CSTF3: variants seen among roughly 807,000 people sequenced by gnomAD.
CSTF3 encodes the protein CF-1 77 kDa subunit.
Under a neutral mutation model 105.8 loss-of-function variants are expected in CSTF3, and 29 were observed. The observed-to-expected ratio is 0.27, with a 90% CI of 0.20 to 0.37. The LOEUF (loss-of-function observed/expected upper bound fraction) is 0.37, where lower values mean the gene tolerates loss of function less well. Among genes scored for constraint, CSTF3 ranks in the 10% least tolerant of loss-of-function variants. CSTF3 has a pLI of 1.00. For missense variants in CSTF3, 357 were observed against 879.3 expected, an observed-to-expected ratio of 0.41 and a Z score of 7.51; for synonymous variants, 252 against 281.9, an observed-to-expected ratio of 0.89 and a Z score of 1.06.
chr11:33,134,734 A>G (rs1855635201), intron 3 of CSTF3, among the ~76,000 whole-genome samples: 1 of 152,182 alleles, frequency 6.6e-6, no homozygotes, highest in Non-Finnish European at 1.5e-5. Flanking sequence ...GAAGCATTTG[A>G]GTTTTCATTT....
intron 1 of CSTF3, among the ~76,000 whole-genome samples, chr11:33,150,675 G>A (rs964093999): frequency 1.3e-4 from 19 of 151,998 alleles, no homozygotes; most frequent in Non-Finnish European, 4.4e-5. Flanking sequence ...TGGCAACATT[G>A]CGAAACCCCA....
intron 1 of CSTF3, among the ~76,000 whole-genome samples, chr11:33,144,278 G>T (rs1375355653): frequency 6.6e-6 from 1 of 151,938 alleles, no homozygotes; most frequent in African/African-American, 2.4e-5. Context: ...TGCACCACTG[G>T]TAAGCATTTA....
chr11:33,095,719 G>A (rs1466514564), intron 15 of CSTF3, among the ~76,000 whole-genome samples: 1 of 151,338 alleles, frequency 6.6e-6, no homozygotes, highest in Admixed American at 6.6e-5. Flanking sequence ...TACTCCGGAG[G>A]CTGAGGCAGG....
intron 5 of CSTF3, among the ~76,000 whole-genome samples, chr11:33,107,593 T>C (rs1163735154): frequency 6.6e-6 from 1 of 151,722 alleles, no homozygotes; most frequent in African/African-American, 2.4e-5. Flanking sequence ...CTCACAAAAG[T>C]GGTACTAGCA....
chr11:33,148,457 G>C (rs1253188021), intron 1 of CSTF3, among the ~76,000 whole-genome samples: 1 of 152,180 alleles, frequency 6.6e-6, no homozygotes, highest in Non-Finnish European at 1.5e-5. Flanking sequence ...AGCATTTTGG[G>C]AGGCCAAGGC....
intron 3 of CSTF3, among the ~76,000 whole-genome samples, chr11:33,122,927 AAAAAAAAGAAAAGAAAAAAGAAAAG>A (rs1185382050): frequency 6.6e-6 from 1 of 151,038 alleles, no homozygotes; most frequent in African/African-American, 2.4e-5. Flanking sequence ...AAAAAAAAAA[AAAAAAAAGAAAAGAAAAAAGAAAAG>A]AAAAGTATGT....
intron 3 of CSTF3, among the ~76,000 whole-genome samples, chr11:33,135,129 A>G (rs1235008616): frequency 6.6e-6 from 1 of 152,108 alleles, no homozygotes; most frequent in Non-Finnish European, 1.5e-5. Flanking sequence ...GTCTTTTTTA[A>G]AAAAGTTTAT....
chr11:33,155,342 C>T (rs1456126625), intron 1 of CSTF3, among the ~76,000 whole-genome samples: 2 of 143,860 alleles, frequency 1.4e-5, no homozygotes, highest in Non-Finnish European at 3.0e-5. Flanking sequence ...CCAGCCTGGG[C>T]GAAAGTGCAA....
At chr11:33,096,703 A>G (rs1855226413) in intron 14 of CSTF3, 132 bp downstream of exon 14, 2 of 828,614 alleles carry the variant, frequency 2.4e-6, no homozygotes, top group Non-Finnish European at 3.7e-6. Flanking sequence ...AAAATTTTAC[A>G]CAGATACACT....
At chr11:33,126,452 A>G (rs936601686) in intron 3 of CSTF3, among the ~76,000 whole-genome samples, 3 of 149,266 alleles carry the variant, frequency 2.0e-5, no homozygotes, top group African/African-American at 7.3e-5. Context: ...CCTGACTCCA[A>G]AAAAAAAAAG....
In CSTF3 at chr11:33,161,453, A is replaced by C; in HGVS notation, c.-128T>G. The C allele has an allele frequency of 8.2e-5, 72 of 877,918 alleles. No individual in the cohort carries two copies. Among genetic ancestry groups the C allele is most frequent in the Non-Finnish European group, 1.2e-4 (65 of 548,750 alleles). The allele number at this position is 877,918 out of a possible 1,614,324, so 54.4% of individuals were successfully genotyped here. A position where few individuals can be genotyped will look rare whatever the true frequency, so the allele number is the denominator to read the frequency against. On this transcript the variant is annotated 5_prime_UTR_variant, in exon 1 of 21. Transcript: ENST00000323959. ...CAGCTGAGCCAGACCGCCAACACCA[A>C]TCGCCACCGCCCACTCAAATATGAA...
chr11:33,138,641 CTTTCA>C (rs1334357321), intron 3 of CSTF3, among the ~76,000 whole-genome samples: 3 of 151,768 alleles, frequency 2.0e-5, no homozygotes, highest in Non-Finnish European at 4.4e-5. Flanking sequence ...CACAAAAGTA[CTTTCA>C]TATCATAGTG....
intron 1 of CSTF3, chr11:33,144,863 C>A: frequency 1.2e-5 from 3 of 247,290 alleles, no homozygotes; most frequent in Non-Finnish European, 1.6e-5. Flanking sequence ...CCTGTAGTCT[C>A]ACGTACTTGG....
At chr11:33,125,487 TAC>T (rs1392015425) in intron 3 of CSTF3, among the ~76,000 whole-genome samples, 1 of 152,220 alleles carries the variant, frequency 6.6e-6, no homozygotes, top group African/African-American at 2.4e-5. Context: ...CTACTTTACA[TAC>T]ATGGCTTCAG....
At chr11:33,095,818 T>TTAAA (rs1565003047) in intron 15 of CSTF3, among the ~76,000 whole-genome samples, 1 of 48,960 alleles carries the variant, frequency 2.0e-5, no homozygotes, top group African/African-American at 6.4e-5. Flanking sequence ...AGACTCTGTC[T>TTAAA]CAAATAAATA....
chr11:33,148,407 C>A (rs1448829699), intron 1 of CSTF3, among the ~76,000 whole-genome samples: 1 of 152,116 alleles, frequency 6.6e-6, no homozygotes, highest in Non-Finnish European at 1.5e-5. Context: ...TAGTTGAAAA[C>A]CATGGCTCAT....
At position 33,097,053 on chromosome 11, in the gene CSTF3, C is replaced by T. The variant is rs1855229808; in HGVS notation, c.1129-75G>A. ...TGCATAAGAAAGCAATCCTCAATAC[C>T]CAATAAATTAGAAAGTAGGAATTTA... On this transcript the variant is annotated intron_variant, in intron 13 of 20. Transcript: ENST00000323959. 3.0e-6 allele frequency: 3 copies of T among 1,015,734 alleles called. No homozygotes were observed. In the African/African-American group the frequency reaches 4.9e-5, roughly 17 times the overall value. The allele number at this position is 1,015,734 out of a possible 1,614,324, so 62.9% of individuals were successfully genotyped here. A position where few individuals can be genotyped will look rare whatever the true frequency, so the allele number is the denominator to read the frequency against.
chr11:33,130,085 T>A (rs1855582892), intron 3 of CSTF3, among the ~76,000 whole-genome samples: 1 of 152,214 alleles, frequency 6.6e-6, no homozygotes, highest in Admixed American at 6.5e-5. Context: ...AAAGTCAAGA[T>A]CCTTTTAATA....
chr11:33,096,204 C>T, intron 15 of CSTF3, 102 bp downstream of exon 15: 2 of 754,180 alleles, frequency 2.7e-6, no homozygotes, highest in Non-Finnish European at 4.1e-6. Context: ...TGCCTGTCTG[C>T]TATGTCAAAA....
Sources: gnomAD v4.1 joint callset for allele counts (sites outside exome capture counted in the v4.1 genomes callset) on GRCh38, gnomAD v4.1.1 for gene constraint, MANE v1.5 for transcripts, NCBI Gene and HGNC (gene_info 2026-07-23, HGNC 2026-07-21) for gene names.